Variants in WASF3 observed in about 807,000 individuals in gnomAD.
WASF3 encodes WASP family member 3, also known as actin-binding protein WASF3.
WASF3 carries 11 observed loss-of-function variants against 46.6 expected under a neutral mutation model. The ratio of observed to expected loss-of-function variants is 0.24; its 90% CI spans 0.15 to 0.39. The LOEUF (loss-of-function observed/expected upper bound fraction) is 0.39. Among genes scored for constraint, WASF3 ranks in the 10% least tolerant of loss-of-function variants. The pLI, the probability that WASF3 is intolerant of heterozygous loss-of-function variation, is 1.00. For missense variants in WASF3, 576 were observed against 669.8 expected, an observed-to-expected ratio of 0.86 and a Z score of 1.55; for synonymous variants, 242 against 259.7, an observed-to-expected ratio of 0.93 and a Z score of 0.65.
chr13:26,646,370 T>A (rs999182348), intron 3 of WASF3, among the ~76,000 whole-genome samples: 2 of 152,238 alleles, frequency 1.3e-5, no homozygotes, highest in African/African-American at 4.8e-5. Flanking sequence ...GCCTATAGTA[T>A]TAAAAGTCTT....
upstream of WASF3, among the ~76,000 whole-genome samples, chr13:26,557,083 T>C (rs1325573283): frequency 1.3e-5 from 2 of 152,234 alleles, no homozygotes; most frequent in East Asian, 1.9e-4. Flanking sequence ...ATCTTAGTTT[T>C]AATAAGTATT....
chr13:26,565,756 C>A (rs1051251979), intron 1 of WASF3, among the ~76,000 whole-genome samples: 2 of 152,166 alleles, frequency 1.3e-5, no homozygotes, highest in African/African-American at 2.4e-5. Flanking sequence ...AAGGTTACTC[C>A]TTTTCAAAAG....
At chr13:26,607,706 A>G (rs1483181246) in intron 1 of WASF3, among the ~76,000 whole-genome samples, 2 of 151,422 alleles carry the variant, frequency 1.3e-5, no homozygotes, top group East Asian at 3.9e-4. Context: ...ATCTCAGCTC[A>G]CTCACTGCAG....
At chr13:26,576,992 C>A (rs1281368656) in intron 1 of WASF3, 1 of 711,614 alleles carries the variant, frequency 1.4e-6, no homozygotes, top group Non-Finnish European at 2.5e-6. Flanking sequence ...GTGAAAGCAC[C>A]TTCTGTGTTC....
intron 1 of WASF3, among the ~76,000 whole-genome samples, chr13:26,559,329 T>C (rs1234567753): frequency 6.6e-6 from 1 of 152,272 alleles, no homozygotes; most frequent in African/African-American, 2.4e-5. Flanking sequence ...TCTAGAACTA[T>C]GTACATATAG....
At chr13:26,580,670 G>C (rs185146325) in intron 1 of WASF3, among the ~76,000 whole-genome samples, 1 of 147,866 alleles carries the variant, frequency 6.8e-6, no homozygotes, top group African/African-American at 2.5e-5. Context: ...TTGTTGCTCA[G>C]ACTGGAGTGC....
the WASF3 span, among the ~76,000 whole-genome samples, chr13:26,543,761 G>A: frequency 6.6e-6 from 1 of 152,182 alleles, no homozygotes; most frequent in African/African-American, 2.4e-5. Context: ...CAGAAAGATT[G>A]TGGGGCACCG....
rs1883395926 is a variant in WASF3, at chr13:26,686,077, C to G, written c.*232C>G. On this transcript the variant is annotated 3_prime_UTR_variant, in exon 10 of 10. Coordinates refer to ENST00000335327, the MANE Select transcript of WASF3 (RefSeq NM_006646.6). The stretch of plus-strand genomic sequence containing the variant: ...ACATGAGGAAATAGGCTGTCACTAT[C>G]ACATTGTCCTGAAAACAGCATCTGC... The G allele has an allele frequency of 2.0e-6, 1 of 512,698 alleles. No homozygotes were observed. Among genetic ancestry groups the G allele is most frequent in the South Asian group, 3.2e-5 (1 of 31,308 alleles). The allele number at this position is 512,698 out of a possible 1,614,324, so 31.8% of individuals were successfully genotyped here. A position where few individuals can be genotyped will look rare whatever the true frequency, so the allele number is the denominator to read the frequency against.
At chr13:26,640,114 C>T (rs991095960) in intron 2 of WASF3, among the ~76,000 whole-genome samples, 3 of 151,946 alleles carry the variant, frequency 2.0e-5, no homozygotes, top group Admixed American at 2.0e-4. Context: ...AGCTGTTTTC[C>T]ATCTATTGGA....
chr13:26,662,927 CGAG>C (rs1882673750), intron 3 of WASF3, among the ~76,000 whole-genome samples: 1 of 152,012 alleles, frequency 6.6e-6, no homozygotes, highest in African/African-American at 2.4e-5. Context: ...CTTGAAATGA[CGAG>C]GAGCAGTAAA....
intron 1 of WASF3, among the ~76,000 whole-genome samples, chr13:26,599,159 G>A (rs923420445): frequency 1.5e-4 from 23 of 149,052 alleles, no homozygotes; most frequent in African/African-American, 5.2e-4. Flanking sequence ...GCTGCGCCTG[G>A]CCTGCCCTGC....
chr13:26,655,056 C>T (rs929477420), intron 3 of WASF3, among the ~76,000 whole-genome samples: 2 of 152,118 alleles, frequency 1.3e-5, no homozygotes, highest in African/African-American at 4.8e-5. Flanking sequence ...TAAACTTTCA[C>T]CCAGATTTCC....
intron 1 of WASF3, among the ~76,000 whole-genome samples, chr13:26,558,820 A>C (rs1345311777): frequency 6.6e-6 from 1 of 152,234 alleles, no homozygotes; most frequent in Non-Finnish European, 1.5e-5. Context: ...TTAAATGCAT[A>C]GCAGAACATG....
chr13:26,605,520 G>T lies in WASF3; in HGVS notation c.-108-7441G>T, dbSNP rs182702770. Among the ~76,000 whole-genome samples, 5 of 151,768 alleles carry T rather than the reference G, an allele frequency of 3.3e-5. No individual in the cohort carries two copies. In the East Asian group the frequency reaches 9.7e-4, roughly 29 times the overall value. ...TTTTTTTTAAACCTCTGCATTTGGGGAAAAAAAATAACTTTCACAAATGTT... is the reference window on the plus strand; with the variant it reads ...TTTTTTTTAAACCTCTGCATTTGGGTAAAAAAAATAACTTTCACAAATGTT... On this transcript the variant is annotated intron_variant, in intron 1 of 9. Transcript: ENST00000335327.
At chr13:26,554,939 C>G (rs895674441), upstream of WASF3, among the ~76,000 whole-genome samples, 1 of 152,104 alleles carries the variant, frequency 6.6e-6, no homozygotes, top group Non-Finnish European at 1.5e-5. Context: ...CTATGCTTAG[C>G]TTTGTGAGAA....
chr13:26,555,833 AGGTCACC>A, upstream of WASF3, among the ~76,000 whole-genome samples: 1 of 152,354 alleles, frequency 6.6e-6, no homozygotes, highest in East Asian at 1.9e-4. Flanking sequence ...ATTCTGTTAC[AGGTCACC>A]AATTCACTCC....
the WASF3 span, among the ~76,000 whole-genome samples, chr13:26,541,229 T>C: frequency 6.6e-6 from 1 of 152,108 alleles, no homozygotes; most frequent in Non-Finnish European, 1.5e-5. Context: ...GAGTCAGATT[T>C]AGCAGCTAGA....
chr13:26,624,634 G>A (rs1881409956), intron 2 of WASF3, among the ~76,000 whole-genome samples: 1 of 151,904 alleles, frequency 6.6e-6, no homozygotes, highest in African/African-American at 2.4e-5. Flanking sequence ...AGAACCCCAA[G>A]CAGGATTTTT....
Position 26,597,444 on chromosome 13 carries a change from TTTG to T in WASF3, c.-108-15493_-108-15491del, listed in dbSNP as rs376294093. On this transcript the variant is annotated intron_variant, in intron 1 of 9. Coordinates refer to ENST00000335327, the MANE Select transcript of WASF3 (RefSeq NM_006646.6). The stretch of plus-strand genomic sequence containing the variant: ...GCCACCACGCCTGGCCCCTTGATTT[TTTG>T]TTGTTGTTGTTGTTGTTGTTGTTTT... Among the ~76,000 whole-genome samples, 182 of 152,120 alleles carry T rather than the reference TTTG, an allele frequency of 1.2e-3. 1 individual carries two copies. The highest frequency in any genetic ancestry group is 3.6e-3 in the African/African-American group (150 of 41,508).
Sources: gnomAD v4.1 joint callset for allele counts (sites outside exome capture counted in the v4.1 genomes callset) on GRCh38, gnomAD v4.1.1 for gene constraint, MANE v1.5 for transcripts, NCBI Gene and HGNC (gene_info 2026-07-23, HGNC 2026-07-21) for gene names.